The following OR5A1 variants were observed in gnomAD, a reference collection of about 807,000 sequenced individuals.
The protein encoded by OR5A1 is olfactory receptor 5A1.
OR5A1 carries 6 observed loss-of-function variants against 6.7 expected under a neutral mutation model. The ratio of observed to expected loss-of-function variants is 0.89; its 90% CI spans 0.49 to 1.76. The LOEUF (loss-of-function observed/expected upper bound fraction) is 1.76. Among genes scored for constraint, OR5A1 ranks in the 40% most tolerant of loss-of-function variants. The probability of loss-of-function intolerance (pLI) is 0.01; values close to 1 mark genes in which losing one functional copy is unlikely to be tolerated. For synonymous variants in OR5A1, 170 were observed against 155.0 expected (o/e 1.10, Z -0.72); for missense variants, 378 against 381.7 (o/e 0.99, Z 0.08).
chr11:59,443,578 C>G lies in OR5A1; in HGVS notation c.410C>G (p.Thr137Ser). ...AAISSPLLYP[T>S]IMTQGLCTRM... ...ATCTCCAGCCCCCTTCTCTACCCCA[C>G]TATCATGACCCAGGGCCTCTGTACA... is the stretch of plus-strand genomic sequence containing the variant. Residue 137 changes from threonine (T) to serine (S), a missense_variant, in exon 2 of 2, where the codon ACT (threonine) becomes AGT (serine). By Grantham distance (58) the Thr-to-Ser change is moderately conservative. Coordinates refer to ENST00000641045, the MANE Select transcript of OR5A1 (RefSeq NM_001004728.2). The G allele has an allele frequency of 6.2e-7, 1 of 1,614,124 alleles. No homozygotes were observed. The highest frequency in any genetic ancestry group is 8.5e-7 in the Non-Finnish European group (1 of 1,180,032).
chr11:59,437,789 T>A (rs974297792), intron 1 of OR5A1, among the ~76,000 whole-genome samples: 2 of 152,248 alleles, frequency 1.3e-5, no homozygotes, highest in African/African-American at 4.8e-5. Flanking sequence ...GTTGAATAAT[T>A]TTCCCAGTGC....
intron 1 of OR5A1, among the ~76,000 whole-genome samples, 155 bp downstream of exon 1, chr11:59,436,990 G>C (rs541963646): frequency 1.3e-5 from 2 of 152,166 alleles, no homozygotes; most frequent in Admixed American, 1.3e-4. Flanking sequence ...CTCAAATTCA[G>C]CCAAATCTTT....
Position 59,436,578 on chromosome 11 carries a change from A to G in OR5A1, c.-291A>G, listed in dbSNP as rs1858418063. ...CTAAATGCAGATATTAGCTGATGCC[A>G]GAAGAGCTTCTTAAAGATTACAACC... On this transcript the variant is annotated 5_prime_UTR_variant, in exon 1 of 2. Coordinates refer to ENST00000641045, the MANE Select transcript of OR5A1 (RefSeq NM_001004728.2). 6.6e-6 allele frequency: 1 copy of G among 152,232 alleles called. No individual in the cohort carries two copies. Among genetic ancestry groups the G allele is most frequent in the Non-Finnish European group, 1.5e-5 (1 of 68,052 alleles). The allele number at this position is 152,232 out of a possible 1,614,324, so 9.4% of individuals were successfully genotyped here. A position where few individuals can be genotyped will look rare whatever the true frequency, so the allele number is the denominator to read the frequency against.
At chr11:59,442,396 A>G (rs1858491266) in intron 1 of OR5A1, among the ~76,000 whole-genome samples, 1 of 152,120 alleles carries the variant, frequency 6.6e-6, no homozygotes, top group Non-Finnish European at 1.5e-5. Flanking sequence ...GACCTGAGAT[A>G]CTGCCATTGC....
Position 59,442,332 on chromosome 11 carries a change from C to T in OR5A1, c.-33-804C>T, listed in dbSNP as rs555191788. Among the ~76,000 whole-genome samples, 7 of 152,308 alleles carry T rather than the reference C, an allele frequency of 4.6e-5. No homozygotes were observed. The South Asian group carries it at 1.4e-3, about 32-fold the overall frequency. Reference sequence around the variant, plus strand: ...TGGCGTATGCCTGTAATCCCAGCTACTCAGGAGGCTGAAGCGGGAGAATCG... The same window carrying T: ...TGGCGTATGCCTGTAATCCCAGCTATTCAGGAGGCTGAAGCGGGAGAATCG... On this transcript the variant is annotated intron_variant, in intron 1 of 1. Coordinates refer to ENST00000641045, the MANE Select transcript of OR5A1 (RefSeq NM_001004728.2).
chr11:59,443,321 G>A lies in OR5A1; in HGVS notation c.153G>A (p.Leu51=), dbSNP rs199637663. ...CCTGGAACCTGGCCCTCATTTTTCT[G>A]ATCAGAGGTGACACCCATCTGCACA... ...TLAWNLALIF[L]IRGDTHLHTP... is the part of the protein sequence containing the mutation. The change falls in exon 2 of 2, where the codon CTG becomes CTA. Residue 51 remains leucine, a synonymous_variant. Transcript: ENST00000641045. 4 of 1,613,706 alleles carry A rather than the reference G, an allele frequency of 2.5e-6. No individual in the cohort carries two copies. The highest frequency in any genetic ancestry group is 1.1e-5 in the South Asian group (1 of 91,070).
intron 1 of OR5A1, among the ~76,000 whole-genome samples, chr11:59,439,641 C>T (rs1858460366): frequency 6.6e-6 from 1 of 152,184 alleles, no homozygotes. Context: ...AAAAACTCTA[C>T]ATATGCTTTT....
Position 59,444,316 on chromosome 11 carries a change from TCAG to T in OR5A1, c.*201_*203del. On this transcript the variant is annotated 3_prime_UTR_variant, in exon 2 of 2. Transcript: ENST00000641045. ...ATAGCCAAAAAGGGAAGGAATTTCTTCAGAAAAAAAAAAAAAAAAAAAAGAACC... is the reference window on the plus strand; with the variant it reads ...ATAGCCAAAAAGGGAAGGAATTTCTTAAAAAAAAAAAAAAAAAAAAGAACC... 1.7e-5 allele frequency: 2 copies of T among 119,722 alleles called. No homozygotes were observed. Among genetic ancestry groups the T allele is most frequent in the East Asian group, 1.6e-4 (1 of 6,168 alleles). 7.4% of individuals were successfully genotyped at this position (119,722 alleles called of 1,614,324 possible).
rs1031848349 is a variant in OR5A1, at chr11:59,451,303, TGA to T, written c.*7189_*7190del. ...GTTGCCCAGGCTGGTCTCAAACTCA[TGA>T]GCTCAAGAGATCCTCCCTCCTTGGC... is the stretch of plus-strand genomic sequence containing the variant. On this transcript the variant is annotated 3_prime_UTR_variant, in exon 2 of 2. Transcript: ENST00000641045. The T allele has an allele frequency of 2.0e-5, 3 of 152,148 alleles. No individual in the cohort carries two copies. Among genetic ancestry groups the T allele is most frequent in the African/African-American group, 7.2e-5 (3 of 41,448 alleles). 9.4% of individuals were successfully genotyped at this position (152,148 alleles called of 1,614,324 possible). A position where few individuals can be genotyped will look rare whatever the true frequency, so the allele number is the denominator to read the frequency against.
chr11:59,440,144 G>A (rs1858465979), intron 1 of OR5A1, among the ~76,000 whole-genome samples: 1 of 152,194 alleles, frequency 6.6e-6, no homozygotes, highest in Non-Finnish European at 1.5e-5. Flanking sequence ...ACTAACTGCA[G>A]CCTCAACCTT....
At chr11:59,441,205 T>G (rs1339917786) in intron 1 of OR5A1, among the ~76,000 whole-genome samples, 1 of 152,194 alleles carries the variant, frequency 6.6e-6, no homozygotes, top group African/African-American at 2.4e-5. Context: ...TTGCAATGAC[T>G]TCTATAATAT....
At chr11:59,442,536 T>A (rs1489965655) in intron 1 of OR5A1, among the ~76,000 whole-genome samples, 1 of 152,228 alleles carries the variant, frequency 6.6e-6, no homozygotes, top group Non-Finnish European at 1.5e-5. Flanking sequence ...CCTACATTAG[T>A]ATATTTGGAC....
chr11:59,449,574 C>G lies in OR5A1; in HGVS notation c.*5458C>G, dbSNP rs1858593172. The G allele has an allele frequency of 6.6e-6, 1 of 152,086 alleles. No homozygotes were observed. Among genetic ancestry groups the G allele is most frequent in the South Asian group, 2.1e-4 (1 of 4,822 alleles). 9.4% of individuals were successfully genotyped at this position (152,086 alleles called of 1,614,324 possible). On this transcript the variant is annotated 3_prime_UTR_variant, in exon 2 of 2. Transcript: ENST00000641045. The stretch of plus-strand genomic sequence containing the variant: ...GTAAAAAAATAATAACTAGCATGAT[C>G]TCTTTCTTAAAAGGTGATTAAAAGT...
In OR5A1 at chr11:59,448,514, T is replaced by C. The variant is rs1454448373; in HGVS notation, c.*4398T>C. On this transcript the variant is annotated 3_prime_UTR_variant, in exon 2 of 2. Coordinates refer to ENST00000641045, the MANE Select transcript of OR5A1 (RefSeq NM_001004728.2). ...TATTATGAGCCCAAAAAAAGAAAAT[T>C]GATTTTTAGAAATCTCTTAGAAAAA... The C allele has an allele frequency of 6.6e-6, 1 of 152,158 alleles. No individual in the cohort carries two copies. Among genetic ancestry groups the C allele is most frequent in the East Asian group, 1.9e-4 (1 of 5,198 alleles). 9.4% of individuals were successfully genotyped at this position (152,158 alleles called of 1,614,324 possible). A position where few individuals can be genotyped will look rare whatever the true frequency, so the allele number is the denominator to read the frequency against.
chr11:59,438,140 G>A (rs1030011976), intron 1 of OR5A1, among the ~76,000 whole-genome samples: 14 of 152,120 alleles, frequency 9.2e-5, no homozygotes, highest in African/African-American at 2.7e-4. Context: ...AGATGCCAGC[G>A]CCACACTTCT....
In OR5A1 at chr11:59,450,649, T is replaced by G. The variant is rs1290756604; in HGVS notation, c.*6533T>G. The G allele has an allele frequency of 6.6e-6, 1 of 152,206 alleles. No individual in the cohort carries two copies. The highest frequency in any genetic ancestry group is 1.5e-5 in the Non-Finnish European group (1 of 68,032). The allele number at this position is 152,206 out of a possible 1,614,324, so 9.4% of individuals were successfully genotyped here. A position where few individuals can be genotyped will look rare whatever the true frequency, so the allele number is the denominator to read the frequency against. On this transcript the variant is annotated 3_prime_UTR_variant, in exon 2 of 2. Coordinates refer to ENST00000641045, the MANE Select transcript of OR5A1 (RefSeq NM_001004728.2). ...AATTAGACACAACAGAACGTCTTTTTAAAATAAAAATGCCAAAATCCAATT... is the reference window on the plus strand; with the variant it reads ...AATTAGACACAACAGAACGTCTTTTGAAAATAAAAATGCCAAAATCCAATT...
rs1858510983 is a variant in OR5A1 at position 59,443,596 on chromosome 11, T to A, written c.428T>A (p.Leu143His). 1 of 1,614,084 alleles carries A rather than the reference T, an allele frequency of 6.2e-7. No individual in the cohort carries two copies. Among genetic ancestry groups the A allele is most frequent in the African/African-American group, 1.3e-5 (1 of 74,994 alleles). The change falls in exon 2 of 2, where the codon CTC becomes CAC. Residue 143 changes from leucine (L) to histidine (H), a missense_variant. By Grantham distance (99) the Leu-to-His change is moderately conservative. Transcript: ENST00000641045. The part of the protein sequence containing the change: ...LLYPTIMTQG[L>H]CTRMVVGAYV... ...TACCCCACTATCATGACCCAGGGCC[T>A]CTGTACACGCATGGTGGTTGGGGCA...
intron 1 of OR5A1, among the ~76,000 whole-genome samples, chr11:59,437,229 G>C (rs1190999506): frequency 1.3e-5 from 2 of 152,132 alleles, no homozygotes; most frequent in African/African-American, 4.8e-5. Context: ...TTAGTGTTGT[G>C]TATTCCGTGG....
chr11:59,439,896 G>A (rs1422942162), intron 1 of OR5A1, among the ~76,000 whole-genome samples: 1 of 152,146 alleles, frequency 6.6e-6, no homozygotes, highest in Non-Finnish European at 1.5e-5. Context: ...TAAGGAGGAA[G>A]GGTTTCAAAA....
Sources: allele counts gnomAD v4.1 joint callset (sites outside exome capture counted in the v4.1 genomes callset), GRCh38; gene constraint gnomAD v4.1.1; transcripts MANE v1.5; gene names NCBI Gene and HGNC (gene_info 2026-07-23, HGNC 2026-07-21).